Variants in NALF1 observed in about 807,000 individuals in gnomAD.
NALF1 encodes NALCN channel auxiliary factor 1, also known as family with sequence similarity 155 member A.
NALF1 carries 3 observed loss-of-function variants against 48.4 expected under a neutral mutation model. The observed-to-expected ratio is 0.06, with a 90% CI of 0.03 to 0.16. NALF1 has a LOEUF of 0.16. Among genes scored for constraint, NALF1 ranks in the 10% least tolerant of loss-of-function variants. NALF1 has a pLI of 1.00. For synonymous variants in NALF1, 262 were observed against 245.7 expected, an observed-to-expected ratio of 1.07 and a Z score of -0.62; for missense variants, 526 against 571.5, an observed-to-expected ratio of 0.92 and a Z score of 0.81.
At chr13:107,503,753 T>TTGTGTG (rs1019555168) in intron 1 of NALF1, among the ~76,000 whole-genome samples, 1 of 70,896 alleles carries the variant, frequency 1.4e-5, no homozygotes, top group African/African-American at 7.7e-5. Context: ...GTGTGTGTGT[T>TTGTGTG]TGTGTGTGTG....
intron 1 of NALF1, among the ~76,000 whole-genome samples, chr13:107,683,223 G>C (rs749695885): frequency 3.3e-5 from 5 of 152,144 alleles, no homozygotes; most frequent in Non-Finnish European, 7.3e-5. Flanking sequence ...ACTCCAGCCT[G>C]GGTGACAGAG....
At chr13:107,373,860 A>T (rs1405315892) in intron 1 of NALF1, among the ~76,000 whole-genome samples, 1 of 152,196 alleles carries the variant, frequency 6.6e-6, no homozygotes, top group Non-Finnish European at 1.5e-5. Flanking sequence ...AAGATTACTC[A>T]TCAAAAGAAT....
intron 1 of NALF1, among the ~76,000 whole-genome samples, chr13:107,549,299 T>C (rs1164966443): frequency 6.6e-6 from 1 of 152,184 alleles, no homozygotes; most frequent in African/African-American, 2.4e-5. Context: ...TTTATATACT[T>C]TTAAGTGGAA....
At chr13:107,612,954 C>G (rs893838383) in intron 1 of NALF1, among the ~76,000 whole-genome samples, 2 of 149,446 alleles carry the variant, frequency 1.3e-5, no homozygotes, top group Admixed American at 6.7e-5. Context: ...CCCTGAAGAA[C>G]AGAGAGGGCA....
intron 2 of NALF1, among the ~76,000 whole-genome samples, chr13:107,205,782 T>C (rs1426056771): frequency 1.3e-5 from 2 of 152,104 alleles, no homozygotes; most frequent in African/African-American, 4.8e-5. Flanking sequence ...TATCTATCAA[T>C]CAAATGATAA....
intron 1 of NALF1, among the ~76,000 whole-genome samples, chr13:107,523,532 C>T: frequency 8.9e-6 from 1 of 111,734 alleles, no homozygotes; most frequent in South Asian, 3.6e-4. Context: ...CTCCCCCCAC[C>T]CCACAATTTT....
intron 1 of NALF1, among the ~76,000 whole-genome samples, chr13:107,282,142 T>C (rs927945523): frequency 6.6e-6 from 1 of 152,210 alleles, no homozygotes. Context: ...TGTAAACTTA[T>C]GTGGTATAAT....
chr13:107,398,291 T>A (rs934352995), intron 1 of NALF1, among the ~76,000 whole-genome samples: 1 of 151,700 alleles, frequency 6.6e-6, no homozygotes, highest in African/African-American at 2.4e-5. Flanking sequence ...AGTGTTACAA[T>A]GGATTCAGAA....
At chr13:107,456,781 C>T (rs1322540297) in intron 1 of NALF1, among the ~76,000 whole-genome samples, 2 of 152,044 alleles carry the variant, frequency 1.3e-5, no homozygotes, top group Non-Finnish European at 2.9e-5. Context: ...TTTTTTAAAA[C>T]ATATTTGAAA....
At chr13:107,630,988 C>T (rs941760582) in intron 1 of NALF1, among the ~76,000 whole-genome samples, 1 of 151,834 alleles carries the variant, frequency 6.6e-6, no homozygotes, top group African/African-American at 2.4e-5. Flanking sequence ...TTTTCTTATT[C>T]TTTTGTTGTA....
At chr13:107,358,664 C>G (rs1170899114) in intron 1 of NALF1, among the ~76,000 whole-genome samples, 1 of 152,152 alleles carries the variant, frequency 6.6e-6, no homozygotes, top group Non-Finnish European at 1.5e-5. Flanking sequence ...CTGCCATCAT[C>G]AGAAGAGTAA....
chr13:107,452,689 C>G (rs1884762547), intron 1 of NALF1, among the ~76,000 whole-genome samples: 1 of 152,146 alleles, frequency 6.6e-6, no homozygotes, highest in East Asian at 1.9e-4. Context: ...ACCAATCATG[C>G]CTTCCCAACT....
intron 1 of NALF1, among the ~76,000 whole-genome samples, chr13:107,687,533 C>T (rs528649278): frequency 6.7e-6 from 1 of 148,826 alleles, no homozygotes; most frequent in Admixed American, 6.7e-5. Flanking sequence ...ACCTGGGAGC[C>T]AAAAAAGAAA....
intron 1 of NALF1, among the ~76,000 whole-genome samples, chr13:107,601,846 T>C (rs565416492): frequency 1.8e-4 from 27 of 152,256 alleles, no homozygotes; most frequent in Non-Finnish European, 3.4e-4. Flanking sequence ...AAAATGCTGT[T>C]ACTTAAACCC....
At position 107,220,026 on chromosome 13, in the gene NALF1, T is replaced by C. The variant is rs373119215; in HGVS notation, c.916-9271A>G. Among the ~76,000 whole-genome samples the C allele has an allele frequency of 3.3e-5, 5 of 152,066 alleles. No homozygotes were observed. In the East Asian group the frequency reaches 5.8e-4, roughly 18 times the overall value. On this transcript the variant is annotated intron_variant, in intron 1 of 2. Transcript: ENST00000375915. ...TGTCAGGTCACTTGTGTACCAAGAG[T>C]GCATGATTGCCACCCTACTTTACCA...
At chr13:107,237,957 A>G (rs1880388108) in intron 1 of NALF1, among the ~76,000 whole-genome samples, 1 of 152,204 alleles carries the variant, frequency 6.6e-6, no homozygotes, top group Non-Finnish European at 1.5e-5. Context: ...ATTAACATAC[A>G]CACTAGAAGA....
At chr13:107,687,606 T>C (rs1388539194) in intron 1 of NALF1, among the ~76,000 whole-genome samples, 1 of 152,012 alleles carries the variant, frequency 6.6e-6, no homozygotes, top group Non-Finnish European at 1.5e-5. Flanking sequence ...TTATGTCTTA[T>C]ATATTCTTAT....
intron 1 of NALF1, among the ~76,000 whole-genome samples, chr13:107,306,887 C>A (rs1247035005): frequency 6.6e-6 from 1 of 152,140 alleles, no homozygotes; most frequent in Non-Finnish European, 1.5e-5. Flanking sequence ...ATGGCTTGAG[C>A]CCGGGAGGTC....
intron 1 of NALF1, among the ~76,000 whole-genome samples, chr13:107,348,461 A>G (rs763984992): frequency 3.3e-5 from 5 of 152,184 alleles, no homozygotes; most frequent in Non-Finnish European, 7.3e-5. Flanking sequence ...CTTCTGGGAT[A>G]CATGTGCAGA....
Sources: allele counts gnomAD v4.1 joint callset (sites outside exome capture counted in the v4.1 genomes callset), GRCh38; gene constraint gnomAD v4.1.1; transcripts MANE v1.5; gene names NCBI Gene and HGNC (gene_info 2026-07-23, HGNC 2026-07-21).